ZMYM6: variants seen among roughly 807,000 people sequenced by gnomAD.
ZMYM6 encodes the protein zinc finger MYM-type protein 6.
ZMYM6 carries 90 observed loss-of-function variants against 134.0 expected under a neutral mutation model. The observed-to-expected ratio is 0.67, with a 90% CI of 0.57 to 0.80. The LOEUF (loss-of-function observed/expected upper bound fraction) is 0.80, where lower values mean the gene tolerates loss of function less well. ZMYM6 is among the 30% of genes least tolerant of loss of function. The pLI is 0.00. For missense variants in ZMYM6, 1,362 were observed against 1,533.9 expected (o/e 0.89, Z 1.87); for synonymous variants, 481 against 524.1 (o/e 0.92, Z 1.12).
chr1:35,029,050 G>A (rs1037079426), intron 2 of ZMYM6, among the ~76,000 whole-genome samples: 1 of 152,012 alleles, frequency 6.6e-6, no homozygotes, highest in Non-Finnish European at 1.5e-5. Flanking sequence ...AAATTAGCCA[G>A]GCGTGGTGGC....
At chr1:35,026,312 C>T (rs1010119658) in intron 2 of ZMYM6, among the ~76,000 whole-genome samples, 1 of 152,116 alleles carries the variant, frequency 6.6e-6, no homozygotes, top group Non-Finnish European at 1.5e-5. Context: ...CAAGCCACCG[C>T]GCCTGGCCTT....
Position 34,988,478 on chromosome 1 carries a change from A to G in ZMYM6, c.2604T>C (p.Ser868=). ...GAATAGTTTTCATTTTGTCTCCAGC[A>G]CTTGAACCCAAAACTTCTGAACACA... ...VEMCSEVLGS[S]AGDKMKTIPL... The change falls in exon 16 of 16, where the codon AGT becomes AGC. Residue 868 remains serine, a synonymous_variant. Coordinates refer to ENST00000357182, the MANE Select transcript of ZMYM6 (RefSeq NM_007167.4). 1 of 1,551,144 alleles carries G rather than the reference A, an allele frequency of 6.4e-7. No homozygotes were observed. Among genetic ancestry groups the G allele is most frequent in the Non-Finnish European group, 8.7e-7 (1 of 1,146,756 alleles).
intron 3 of ZMYM6, 145 bp downstream of exon 3, chr1:35,020,238 G>A (rs544917267): frequency 1.8e-5 from 10 of 567,460 alleles, no homozygotes; most frequent in Non-Finnish European, 2.7e-5. Flanking sequence ...TTTTTAAAAC[G>A]CTGCTGAAAA....
intron 4 of ZMYM6, among the ~76,000 whole-genome samples, chr1:35,015,691 C>T (rs1641169300): frequency 7.1e-6 from 1 of 139,904 alleles, no homozygotes; most frequent in Non-Finnish European, 1.5e-5. Flanking sequence ...GCCACTGCAC[C>T]CCAGCCTTGG....
At chr1:34,993,442 A>G (rs1245104047) in intron 14 of ZMYM6, among the ~76,000 whole-genome samples, 1 of 152,130 alleles carries the variant, frequency 6.6e-6, no homozygotes, top group Non-Finnish European at 1.5e-5. Flanking sequence ...ATAAAACACA[A>G]AAGAGTAAAT....
chr1:35,007,790 T>C (rs998410372), intron 11 of ZMYM6, among the ~76,000 whole-genome samples: 3 of 150,698 alleles, frequency 2.0e-5, no homozygotes, highest in Admixed American at 2.0e-4. Context: ...CACACCAGCC[T>C]GAGCAATAGA....
At chr1:35,015,241 C>T in intron 4 of ZMYM6, 79 bp from the exon 5 acceptor site, 2 of 1,352,836 alleles carry the variant, frequency 1.5e-6, no homozygotes, top group African/African-American at 3.0e-5. Flanking sequence ...GGTGAAATAA[C>T]ACTTACTAAG....
rs753794996 is a variant in ZMYM6 at position 34,988,420 on chromosome 1, C to G, written c.2662G>C (p.Asp888His). 9 of 1,551,476 alleles carry G rather than the reference C, an allele frequency of 5.8e-6. No individual in the cohort carries two copies. In the South Asian group the frequency reaches 5.9e-5, roughly 10 times the overall value. The change falls in exon 16 of 16, where the codon GAT becomes CAT. Residue 888 changes from aspartate to histidine, a missense_variant. This residue lies in a region of ZMYM6 where 824 missense variants were observed against 940.9 expected (regional missense o/e 0.88). Transcript: ENST00000357182. ...LSNVTIQHRI[D>H]ELSADIEDQL... The stretch of plus-strand genomic sequence containing the variant: ...TCTTCAATGTCTGCAGATAGTTCAT[C>G]AATCCTGTGTTGAATTGTAACATTA...
chr1:34,999,704 A>G (rs1640847488), intron 14 of ZMYM6, among the ~76,000 whole-genome samples: 2 of 152,236 alleles, frequency 1.3e-5, no homozygotes, highest in South Asian at 2.1e-4. Flanking sequence ...TAAGATAACA[A>G]TAAGATACCA....
chr1:34,990,276 T>C (rs1288282846), intron 15 of ZMYM6: 1 of 274,704 alleles, frequency 3.6e-6, no homozygotes, highest in Non-Finnish European at 8.5e-6. Context: ...GTCACGAGTT[T>C]GAGACCAGCG....
intron 2 of ZMYM6, among the ~76,000 whole-genome samples, chr1:35,025,432 A>T (rs1641391806): frequency 1.4e-5 from 2 of 140,876 alleles, no homozygotes; most frequent in South Asian, 4.5e-4. Context: ...GCGCCACTGC[A>T]CTTCAGCCTG....
chr1:34,993,003 C>T (rs1640712190), intron 14 of ZMYM6, among the ~76,000 whole-genome samples: 1 of 149,692 alleles, frequency 6.7e-6, no homozygotes, highest in Non-Finnish European at 1.5e-5. Flanking sequence ...CAACCTCAGA[C>T]CATACACAAA....
At chr1:35,025,503 A>AAAG (rs1557589460) in intron 2 of ZMYM6, among the ~76,000 whole-genome samples, 12 of 150,150 alleles carry the variant, frequency 8.0e-5, no homozygotes, top group African/African-American at 2.9e-4. Context: ...GAAAAAAAAA[A>AAAG]GGTGGCACAA....
chr1:34,995,741 G>A (rs1283891299), intron 14 of ZMYM6, among the ~76,000 whole-genome samples: 2 of 152,042 alleles, frequency 1.3e-5, no homozygotes, highest in African/African-American at 2.4e-5. Context: ...GTTTATTTCC[G>A]GAATTTTCCA....
chr1:35,025,325 G>A (rs1437028428), intron 2 of ZMYM6, among the ~76,000 whole-genome samples: 3 of 151,798 alleles, frequency 2.0e-5, no homozygotes, highest in Non-Finnish European at 4.4e-5. Flanking sequence ...AAATTAGCCA[G>A]GTGTGGTGGT....
chr1:34,997,429 T>G (rs1217234613), intron 14 of ZMYM6, among the ~76,000 whole-genome samples: 2 of 152,140 alleles, frequency 1.3e-5, no homozygotes, highest in Non-Finnish European at 2.9e-5. Context: ...CTTAGCCACC[T>G]GAGTAGCTGG....
intron 14 of ZMYM6, among the ~76,000 whole-genome samples, chr1:35,002,424 A>G (rs1232380409): frequency 1.3e-5 from 2 of 152,238 alleles, no homozygotes; most frequent in Admixed American, 1.3e-4. Context: ...CATAACTTGT[A>G]GTAAACCTTT....
chr1:35,004,127 A>G, intron 13 of ZMYM6, 122 bp from the exon 14 acceptor site: 2 of 813,826 alleles, frequency 2.5e-6, no homozygotes, highest in Non-Finnish European at 1.9e-6. Context: ...TCTCAGAAAA[A>G]TGGTACAAGG....
intron 13 of ZMYM6, among the ~76,000 whole-genome samples, chr1:35,004,401 G>A (rs1640929256): frequency 6.6e-6 from 1 of 152,098 alleles, no homozygotes; most frequent in Non-Finnish European, 1.5e-5. Context: ...CGGGAGGCCA[G>A]GAGCTCTAGA....
Sources: gnomAD v4.1 joint callset for allele counts (sites outside exome capture counted in the v4.1 genomes callset) on GRCh38, gnomAD v4.1.1 for gene constraint, gnomAD v4.1.1 regional missense constraint, MANE v1.5 for transcripts, NCBI Gene and HGNC (gene_info 2026-07-23, HGNC 2026-07-21) for gene names.